PLD2: variants seen among roughly 807,000 people sequenced by gnomAD.
PLD2 encodes choline phosphatase 2.
PLD2 carries 101 observed loss-of-function variants against 119.8 expected under a neutral mutation model. The observed-to-expected ratio is 0.84, with a 90% confidence interval of 0.72 to 0.99. The LOEUF (loss-of-function observed/expected upper bound fraction) is 0.99. Among genes scored for constraint, PLD2 ranks in the 50% least tolerant of loss-of-function variants. PLD2 has a pLI of 0.00. For synonymous variants in PLD2, 494 were observed against 482.8 expected (o/e 1.02, Z -0.30); for missense variants, 1,164 against 1,226.8 (o/e 0.95, Z 0.76).
At chr17:4,810,373 G>A (rs979654814) in intron 9 of PLD2, among the ~76,000 whole-genome samples, 10 of 152,134 alleles carry the variant, frequency 6.6e-5, no homozygotes, top group African/African-American at 1.9e-4. Flanking sequence ...GGCCGGGCGC[G>A]GTGGCTCACA....
Position 4,816,612 on chromosome 17 carries a change from C to T in PLD2, c.1456-8C>T, listed in dbSNP as rs976768648. ...CTTGCCCCTGGCTTGGGTGTGTTCC[C>T]CCTACAGCCTCCCACCCCGCGCCCA... On this transcript the variant is annotated splice_polypyrimidine_tract_variant and splice_region_variant and intron_variant, in intron 14 of 24. Coordinates refer to ENST00000263088, the MANE Select transcript of PLD2 (RefSeq NM_002663.5). The T allele has an allele frequency of 6.2e-7, 1 of 1,613,544 alleles. No homozygotes were observed. Among genetic ancestry groups the T allele is most frequent in the Non-Finnish European group, 8.5e-7 (1 of 1,179,542 alleles).
chr17:4,812,694 A>G (rs1464552888), intron 10 of PLD2, among the ~76,000 whole-genome samples: 1 of 152,226 alleles, frequency 6.6e-6, no homozygotes, highest in African/African-American at 2.4e-5. Context: ...AGTGGGGCAC[A>G]CGAGGGAACA....
intron 10 of PLD2, among the ~76,000 whole-genome samples, chr17:4,812,728 A>G (rs975976825): frequency 2.0e-5 from 3 of 152,224 alleles, no homozygotes; most frequent in Non-Finnish European, 2.9e-5. Flanking sequence ...AAAATGTCCT[A>G]TATTTTGATA....
At chr17:4,818,636 A>C (rs1907295546) in intron 20 of PLD2, 29 bp downstream of exon 20, 1 of 1,572,302 alleles carries the variant, frequency 6.4e-7, no homozygotes, top group African/African-American at 1.3e-5. Context: ...TCCAGCTCTC[A>C]GTGGCCCCAT....
Position 4,809,218 on chromosome 17 carries a change from G to A in PLD2, c.489+13G>A. 1 of 1,612,526 alleles carries A rather than the reference G, an allele frequency of 6.2e-7. No homozygotes were observed. The highest frequency in any genetic ancestry group is 8.5e-7 in the Non-Finnish European group (1 of 1,178,478). On this transcript the variant is annotated intron_variant, in intron 5 of 24. Transcript: ENST00000263088. Reference sequence around the variant, plus strand: ...AGCCAGCAAACAGGTGGGACCAGATGCCAGGTCCTCCGGGAAGGCATTGGA... The same window carrying A: ...AGCCAGCAAACAGGTGGGACCAGATACCAGGTCCTCCGGGAAGGCATTGGA...
At position 4,818,594 on chromosome 17, in the gene PLD2, C is replaced by T; in HGVS notation, c.2110C>T (p.His704Tyr). 1 of 1,612,752 alleles carries T rather than the reference C, an allele frequency of 6.2e-7. No homozygotes were observed. Among genetic ancestry groups the T allele is most frequent in the Non-Finnish European group, 8.5e-7 (1 of 1,178,790 alleles). ...GGGNSIQAIL[H>Y]FTYRTLCRGE... ...TGGCAACTCCATCCAGGCCATTCTGCACTTTACTTACAGGTGACCCCCCAG... is the reference window on the plus strand; with the variant it reads ...TGGCAACTCCATCCAGGCCATTCTGTACTTTACTTACAGGTGACCCCCCAG... The change falls in exon 20 of 25, where the codon CAC (histidine) becomes TAC (tyrosine). Residue 704 changes from histidine (H) to tyrosine (Y), a missense_variant. Coordinates refer to ENST00000263088, the MANE Select transcript of PLD2 (RefSeq NM_002663.5).
At position 4,809,838 on chromosome 17, in the gene PLD2, TGA is replaced by T. The variant is rs1331994287; in HGVS notation, c.708-37_708-36del. On this transcript the variant is annotated intron_variant, in intron 8 of 24. Coordinates refer to ENST00000263088, the MANE Select transcript of PLD2 (RefSeq NM_002663.5). ...TGGGTGGGGGTGAGGAAGAAAATTTTGAGGGCAGAGAGGAACACACGGAGCCC... is the reference window on the plus strand; with the variant it reads ...TGGGTGGGGGTGAGGAAGAAAATTTTGGGCAGAGAGGAACACACGGAGCCC... The T allele has an allele frequency of 1.9e-6, 3 of 1,614,058 alleles. No homozygotes were observed. In the East Asian group the frequency reaches 6.7e-5, roughly 36 times the overall value.
chr17:4,814,247 C>G, intron 10 of PLD2, 171 bp from the exon 11 acceptor site: 13 of 926,520 alleles, frequency 1.4e-5, no homozygotes, highest in Non-Finnish European at 2.1e-5. Flanking sequence ...TTGTATTTAG[C>G]GCATATGGGC....
In PLD2 at chr17:4,811,871, G is replaced by A. The variant is rs371887683; in HGVS notation, c.1010+920G>A. ...GCTCTGTCACCAGGCGTGTAGTGCA[G>A]TAGTGTGATCATGGCTCACGGCAAC... is the stretch of plus-strand genomic sequence containing the variant. On this transcript the variant is annotated intron_variant, in intron 10 of 24. Transcript: ENST00000263088. 2.2e-4 allele frequency among the ~76,000 whole-genome samples: 34 copies of A among 152,004 alleles called. No individual in the cohort carries two copies. The East Asian group carries it at 3.9e-3, about 17-fold the overall frequency.
chr17:4,816,829 G>T (rs1907025915), intron 15 of PLD2, 83 bp downstream of exon 15: 2 of 1,601,264 alleles, frequency 1.2e-6, no homozygotes, highest in African/African-American at 1.3e-5. Context: ...GGGATGAGAG[G>T]GGTCAACGGT....
At chr17:4,814,129 G>A (rs1906731803) in intron 10 of PLD2, 1 of 299,002 alleles carries the variant, frequency 3.3e-6, no homozygotes, top group African/African-American at 2.3e-5. Flanking sequence ...TTTTTCAGTT[G>A]GCTCATGTGA....
In PLD2 at chr17:4,807,482, C is replaced by G. The variant is rs934494692; in HGVS notation, c.-2+257C>G. The G allele has an allele frequency of 3.4e-5, 10 of 290,402 alleles. No homozygotes were observed. The highest frequency in any genetic ancestry group is 2.1e-3 in the Middle Eastern group (2 of 948). The allele number at this position is 290,402 out of a possible 1,614,324, so 18.0% of individuals were successfully genotyped here. ...CTTCCCCGCGCAGCTGCTGCGCCGC[C>G]CCAGGTCGGAGCCTTCCGGGCCTGG... On this transcript the variant is annotated intron_variant, in intron 1 of 24. Coordinates refer to ENST00000263088, the MANE Select transcript of PLD2 (RefSeq NM_002663.5). The surrounding 1 kb of genome is among the most constrained non-coding windows in gnomAD (Gnocchi z 5.4).
chr17:4,823,111 A>G lies in PLD2; in HGVS notation c.*247A>G. The G allele has an allele frequency of 4.3e-6, 2 of 468,288 alleles. No individual in the cohort carries two copies. Among genetic ancestry groups the G allele is most frequent in the Non-Finnish European group, 7.6e-6 (2 of 263,222 alleles). 29.0% of individuals were successfully genotyped at this position (468,288 alleles called of 1,614,324 possible). A position where few individuals can be genotyped will look rare whatever the true frequency, so the allele number is the denominator to read the frequency against. ...TCCCCCCTGCTGCCCAGTGCAAACC[A>G]CTTCTCCATGCTGCAAAGGAGAAGC... is the stretch of plus-strand genomic sequence containing the variant. On this transcript the variant is annotated 3_prime_UTR_variant, in exon 25 of 25. Coordinates refer to ENST00000263088, the MANE Select transcript of PLD2 (RefSeq NM_002663.5).
At chr17:4,820,928 G>A (rs564147399) in intron 23 of PLD2, among the ~76,000 whole-genome samples, 22 of 148,584 alleles carry the variant, frequency 1.5e-4, no homozygotes, top group Non-Finnish European at 2.2e-4. Context: ...TTTTTGAGAC[G>A]GAGTCGCTCT....
chr17:4,817,328 C>A, intron 17 of PLD2, 69 bp downstream of exon 17: 2 of 1,006,032 alleles, frequency 2.0e-6, no homozygotes, highest in Non-Finnish European at 3.2e-6. Flanking sequence ...CCCACTCTCC[C>A]TGGTGTGAGA....
chr17:4,814,377 C>T, intron 10 of PLD2, 41 bp from the exon 11 acceptor site: 1 of 1,578,588 alleles, frequency 6.3e-7, no homozygotes, highest in Non-Finnish European at 8.6e-7. Context: ...AGCTTTCTGG[C>T]TTCTGACTCC....
In PLD2 at chr17:4,818,590, T is replaced by C; in HGVS notation, c.2106T>C (p.Ile702=). ...STGGGNSIQA[I]LHFTYRTLCR... ...GCGGTGGCAACTCCATCCAGGCCAT[T>C]CTGCACTTTACTTACAGGTGACCCC... is the stretch of plus-strand genomic sequence containing the variant. The change falls in exon 20 of 25, where the codon ATT becomes ATC. Residue 702 remains isoleucine, a synonymous_variant. Coordinates refer to ENST00000263088, the MANE Select transcript of PLD2 (RefSeq NM_002663.5). The C allele has an allele frequency of 6.2e-7, 1 of 1,613,394 alleles. No homozygotes were observed. Among genetic ancestry groups the C allele is most frequent in the East Asian group, 2.2e-5 (1 of 44,856 alleles).
Position 4,815,921 on chromosome 17 carries a change from C to G in PLD2, c.1442C>G (p.Ser481Ter), listed in dbSNP as rs986962482. 2 of 1,613,438 alleles carry G rather than the reference C, an allele frequency of 1.2e-6. No individual in the cohort carries two copies. Among genetic ancestry groups the G allele is most frequent in the Non-Finnish European group, 8.5e-7 (1 of 1,179,520 alleles). ...ACTGACCTTGGAGACTCCTCTGAAT[C>G]AGCTGCCTCCCAGGTAATCCCCCTG... ...RLTDLGDSSE[S>*]AASQPPTPRP... The change falls in exon 14 of 25, where the codon TCA becomes TGA. Residue 481 changes from serine (S) to a stop codon, truncating the protein, a stop_gained. Coordinates refer to ENST00000263088, the MANE Select transcript of PLD2 (RefSeq NM_002663.5). LOFTEE classifies it high-confidence loss of function.
Position 4,808,149 on chromosome 17 carries a change from G to A in PLD2, c.240+35G>A. ...CTGGCCCCAGGGAGGGGGAAAGGGA[G>A]GGCGGCCCGGAATGGATCCAAGGTG... On this transcript the variant is annotated intron_variant, in intron 3 of 24. Transcript: ENST00000263088. The surrounding 1 kb of genome is among the most constrained non-coding windows in gnomAD (Gnocchi z 4.1). 6.3e-7 allele frequency: 1 copy of A among 1,596,336 alleles called. No individual in the cohort carries two copies. The highest frequency in any genetic ancestry group is 1.7e-4 in the Middle Eastern group (1 of 6,006).
Sources: allele counts gnomAD v4.1 joint callset (sites outside exome capture counted in the v4.1 genomes callset), GRCh38; gene constraint gnomAD v4.1.1; non-coding constraint Gnocchi (gnomAD v3.1); transcripts MANE v1.5; gene names NCBI Gene and HGNC (gene_info 2026-07-23, HGNC 2026-07-21).